Variants in ARHGEF7 observed in about 807,000 individuals in gnomAD.
ARHGEF7 encodes the protein Rho guanine nucleotide exchange factor 7.
Under a neutral mutation model 109.8 loss-of-function variants are expected in ARHGEF7, and 33 were observed. The observed-to-expected ratio is 0.30, with a 90% CI of 0.23 to 0.40. The LOEUF is 0.40. Ranked by LOEUF, ARHGEF7 falls within the 10% of genes least tolerant of loss-of-function variation. The probability of loss-of-function intolerance (pLI) is 1.00; values close to 1 mark genes in which losing one functional copy is unlikely to be tolerated. For missense variants in ARHGEF7, 938 were observed against 1,098.5 expected, an observed-to-expected ratio of 0.85 and a Z score of 2.07; for synonymous variants, 458 against 424.6, an observed-to-expected ratio of 1.08 and a Z score of -0.97.
intron 1 of ARHGEF7, among the ~76,000 whole-genome samples, chr13:111,148,422 C>T (rs1480516794): frequency 6.6e-6 from 1 of 152,186 alleles, no homozygotes; most frequent in African/African-American, 2.4e-5. Context: ...GTTCTTTGAC[C>T]TAGCTTGCTA....
intron 5 of ARHGEF7, among the ~76,000 whole-genome samples, chr13:111,218,143 G>A (rs2153490035): frequency 6.6e-6 from 1 of 151,988 alleles, no homozygotes; most frequent in East Asian, 1.9e-4. Context: ...CTTTATCATT[G>A]CAGTTTTACT....
At chr13:111,232,134 C>T (rs1484196136) in intron 5 of ARHGEF7, among the ~76,000 whole-genome samples, 2 of 152,132 alleles carry the variant, frequency 1.3e-5, no homozygotes, top group Non-Finnish European at 2.9e-5. Context: ...ATGATATACA[C>T]ACAACCATTG....
chr13:111,115,846 G>A (rs2066706333), intron 1 of ARHGEF7, among the ~76,000 whole-genome samples, 155 bp downstream of exon 1: 1 of 150,502 alleles, frequency 6.6e-6, no homozygotes, highest in South Asian at 2.1e-4. Flanking sequence ...GGACCGTGGC[G>A]GGAGCTCGGG....
intron 1 of ARHGEF7, among the ~76,000 whole-genome samples, chr13:111,133,572 A>G (rs1238722414): frequency 1.3e-5 from 2 of 150,866 alleles, no homozygotes; most frequent in African/African-American, 2.4e-5. Context: ...TTGGCAGTAC[A>G]TGTTTTTCCA....
intron 3 of ARHGEF7, among the ~76,000 whole-genome samples, chr13:111,207,491 C>T (rs1364117588): frequency 6.6e-6 from 1 of 152,166 alleles, no homozygotes; most frequent in Non-Finnish European, 1.5e-5. Flanking sequence ...TTATAATTAA[C>T]GTAGATCTCT....
chr13:111,159,052 C>G (rs1395522458), intron 2 of ARHGEF7: 2 of 718,424 alleles, frequency 2.8e-6, no homozygotes, highest in Admixed American at 2.0e-5. Flanking sequence ...TCCCAGCCTC[C>G]TCAGCATCTG....
intron 13 of ARHGEF7, among the ~76,000 whole-genome samples, chr13:111,279,117 C>T (rs1192158110): frequency 6.6e-6 from 1 of 152,258 alleles, no homozygotes; most frequent in Middle Eastern, 3.4e-3. Flanking sequence ...CACAGTTGTG[C>T]GGTTTCATTT....
At chr13:111,150,347 G>A (rs913342318) in intron 1 of ARHGEF7, among the ~76,000 whole-genome samples, 1 of 152,164 alleles carries the variant, frequency 6.6e-6, no homozygotes, top group African/African-American at 2.4e-5. Context: ...TGGAGTCTTA[G>A]GGTGACTTTC....
At chr13:111,130,390 A>C (rs1267577083) in intron 1 of ARHGEF7, among the ~76,000 whole-genome samples, 1 of 152,142 alleles carries the variant, frequency 6.6e-6, no homozygotes, top group Non-Finnish European at 1.5e-5. Context: ...CCTGAGCATA[A>C]TTACGTTTTT....
intron 1 of ARHGEF7, among the ~76,000 whole-genome samples, chr13:111,124,549 A>G (rs756158510): frequency 1.4e-4 from 21 of 152,126 alleles, no homozygotes; most frequent in Non-Finnish European, 2.8e-4. Flanking sequence ...CCCTGCAAGG[A>G]TGGCAAGAGG....
At chr13:111,168,284 T>G (rs771759314) in intron 2 of ARHGEF7, among the ~76,000 whole-genome samples, 1 of 152,110 alleles carries the variant, frequency 6.6e-6, no homozygotes, top group Non-Finnish European at 1.5e-5. Flanking sequence ...GCGACAGCTG[T>G]GTGAGGCCCC....
chr13:111,163,264 G>T (rs2076883844), intron 2 of ARHGEF7, among the ~76,000 whole-genome samples: 1 of 152,226 alleles, frequency 6.6e-6, no homozygotes, highest in African/African-American at 2.4e-5. Flanking sequence ...TACTGTAATT[G>T]TGTTTTAATT....
intron 15 of ARHGEF7, among the ~76,000 whole-genome samples, chr13:111,282,460 T>C (rs1471679889): frequency 6.8e-6 from 1 of 147,358 alleles, no homozygotes; most frequent in Non-Finnish European, 1.5e-5. Flanking sequence ...TAATTTTTGA[T>C]TAACTTTGTT....
intron 11 of ARHGEF7, 149 bp from the exon 12 acceptor site, chr13:111,275,383 A>G (rs1307232382): frequency 2.6e-5 from 23 of 900,544 alleles, no homozygotes; most frequent in Admixed American, 5.5e-5. Context: ...TCAATTCCCT[A>G]TAATTAAGCA....
chr13:111,292,595 C>A, intron 19 of ARHGEF7: 1 of 1,269,454 alleles, frequency 7.9e-7, no homozygotes, highest in Non-Finnish European at 9.9e-7. Flanking sequence ...TGTTTTATAG[C>A]TCCAAATGGT....
intron 1 of ARHGEF7, among the ~76,000 whole-genome samples, chr13:111,134,843 G>C (rs570144414): frequency 2.2e-4 from 34 of 152,142 alleles, no homozygotes; most frequent in African/African-American, 7.7e-4. Context: ...ATTGCTTTTG[G>C]TGTTTTAGTC....
At chr13:111,153,731 A>G (rs2076054161) in intron 1 of ARHGEF7, 174 bp from the exon 2 acceptor site, 17 of 1,335,196 alleles carry the variant, frequency 1.3e-5, no homozygotes, top group Middle Eastern at 2.8e-4. Context: ...GGTGAGGAGA[A>G]GCAGCGGCTG....
chr13:111,296,114 C>T (rs754232653), intron 19 of ARHGEF7, among the ~76,000 whole-genome samples: 1 of 152,146 alleles, frequency 6.6e-6, no homozygotes, highest in Non-Finnish European at 1.5e-5. Context: ...CGAGCTGGCA[C>T]TCGGGGCCCC....
At chr13:111,288,185 T>C (rs1157320733) in intron 17 of ARHGEF7, among the ~76,000 whole-genome samples, 169 bp from the exon 18 acceptor site, 2 of 152,358 alleles carry the variant, frequency 1.3e-5, no homozygotes, top group East Asian at 3.9e-4. Context: ...TATTTTATTT[T>C]GAATATAACT....
Sources: gnomAD v4.1 joint callset for allele counts (sites outside exome capture counted in the v4.1 genomes callset) on GRCh38, gnomAD v4.1.1 for gene constraint, MANE v1.5 for transcripts, NCBI Gene and HGNC (gene_info 2026-07-23, HGNC 2026-07-21) for gene names.